The following RBFOX1 variants were observed in gnomAD, a reference collection of about 807,000 sequenced individuals.
RBFOX1 encodes RNA binding protein fox-1 homolog 1.
In RBFOX1, 8 loss-of-function variants were observed where a neutral mutation model predicts 57.7. The ratio of observed to expected loss-of-function variants is 0.14; its 90% CI spans 0.08 to 0.25. RBFOX1 has a LOEUF of 0.25. Ranked by LOEUF, RBFOX1 falls within the 10% of genes least tolerant of loss-of-function variation. The probability of loss-of-function intolerance (pLI) is 1.00; values close to 1 mark genes in which losing one functional copy is unlikely to be tolerated. For missense variants in RBFOX1, 611 were observed against 548.5 expected (o/e 1.11, Z -1.14); for synonymous variants, 326 against 222.4 (o/e 1.47, Z -4.15).
chr16:6,218,043 G>A (rs2097347560), intron 1 of RBFOX1, among the ~76,000 whole-genome samples: 1 of 152,082 alleles, frequency 6.6e-6, no homozygotes, highest in African/African-American at 2.4e-5. Context: ...AACGTTGCAT[G>A]AATGAAAAGT....
chr16:6,874,228 G>C (rs1272439950), intron 3 of RBFOX1, among the ~76,000 whole-genome samples: 1 of 152,056 alleles, frequency 6.6e-6, no homozygotes, highest in Admixed American at 6.6e-5. Context: ...GAATGAAATA[G>C]GTCAGGCAAA....
At chr16:6,003,122 A>T (rs540168366) in intron 4 of RBFOX1, among the ~76,000 whole-genome samples, 2 of 152,068 alleles carry the variant, frequency 1.3e-5, no homozygotes, top group Non-Finnish European at 2.9e-5. Context: ...TACTAAAAAT[A>T]CAAAAAATTA....
In RBFOX1 at chr16:5,558,861, G is replaced by T. The variant is rs1269549311; in HGVS notation, c.259-40041G>T. Among the ~76,000 whole-genome samples the T allele has an allele frequency of 2.0e-5, 3 of 152,146 alleles. No individual in the cohort carries two copies. In the South Asian group the frequency reaches 6.2e-4, roughly 32 times the overall value. ...AGAGCAGGAGTTCTCAAAGGTCCAC[G>T]TACAAGAGAGACACCTGGAGAACTT... On this transcript the variant is annotated intron_variant, in intron 2 of 2. Transcript: ENST00000585867.
At chr16:5,596,797 C>G (rs1443249655) in intron 2 of RBFOX1, among the ~76,000 whole-genome samples, 1 of 152,230 alleles carries the variant, frequency 6.6e-6, no homozygotes, top group East Asian at 1.9e-4. Context: ...GCAGCAAAAT[C>G]ACTGCATCAT....
chr16:7,095,228 C>G lies in RBFOX1; in HGVS notation c.27+43130C>G, dbSNP rs188312949. ...CTCAGCTCACTGCAACCTCCGCCTC[C>G]CAGGTTCAAACGATTCTCCTGCCTC... On this transcript the variant is annotated intron_variant, in intron 4 of 15. Transcript: ENST00000550418. 1.5e-3 allele frequency among the ~76,000 whole-genome samples: 231 copies of G among 152,250 alleles called. 1 individual carries two copies. The highest frequency in any genetic ancestry group is 6.8e-3 in the Middle Eastern group (2 of 294).
chr16:5,959,513 G>A (rs1008408651), intron 4 of RBFOX1, among the ~76,000 whole-genome samples: 3 of 152,068 alleles, frequency 2.0e-5, no homozygotes, highest in African/African-American at 7.2e-5. Context: ...TTGAGTGCAT[G>A]GGGTAAGAAA....
intron 1 of RBFOX1, among the ~76,000 whole-genome samples, chr16:6,288,593 A>G (rs570286643): frequency 7.6e-4 from 115 of 152,308 alleles, no homozygotes; most frequent in Admixed American, 2.0e-3. Context: ...CCTGAAACTC[A>G]GTCAGGTGAG....
chr16:6,523,197 C>T (rs981389255), intron 2 of RBFOX1, among the ~76,000 whole-genome samples: 3 of 151,972 alleles, frequency 2.0e-5, no homozygotes, highest in African/African-American at 7.3e-5. Flanking sequence ...CTCTTCTCAG[C>T]ATGCAGAGGA....
intron 2 of RBFOX1, among the ~76,000 whole-genome samples, chr16:6,408,796 G>C (rs1811200818): frequency 6.6e-6 from 1 of 152,154 alleles, no homozygotes. Context: ...ACAGTGATTT[G>C]TGTTTGCATT....
At chr16:6,341,671 A>C (rs1380310472) in intron 2 of RBFOX1, among the ~76,000 whole-genome samples, 3 of 152,180 alleles carry the variant, frequency 2.0e-5, no homozygotes, top group Non-Finnish European at 2.9e-5. Flanking sequence ...GCTGTATATA[A>C]ACAAGCATTG....
At chr16:5,687,066 C>G (rs925371960) in intron 3 of RBFOX1, among the ~76,000 whole-genome samples, 13 of 152,122 alleles carry the variant, frequency 8.5e-5, no homozygotes, top group African/African-American at 3.1e-4. Flanking sequence ...GGCTAAGAAT[C>G]AAATTAAGGA....
At chr16:6,808,316 C>G (rs562076099) in intron 3 of RBFOX1, among the ~76,000 whole-genome samples, 3 of 151,898 alleles carry the variant, frequency 2.0e-5, no homozygotes, top group Non-Finnish European at 4.4e-5. Context: ...TATCACCCCA[C>G]CACTGATTCC....
intron 3 of RBFOX1, among the ~76,000 whole-genome samples, chr16:6,753,989 T>C (rs186738787): frequency 1.3e-5 from 2 of 152,258 alleles, no homozygotes; most frequent in East Asian, 3.9e-4. Flanking sequence ...CTTGGATGCT[T>C]TTTACTGGGT....
At chr16:6,884,106 A>T (rs190789193) in intron 3 of RBFOX1, among the ~76,000 whole-genome samples, 35 of 152,328 alleles carry the variant, frequency 2.3e-4, no homozygotes, top group African/African-American at 8.4e-4. Flanking sequence ...GATGCGCTGC[A>T]GAAGAAGAGA....
intron 2 of RBFOX1, among the ~76,000 whole-genome samples, chr16:5,511,845 C>T (rs533655159): frequency 3.9e-5 from 6 of 152,320 alleles, no homozygotes; most frequent in African/African-American, 1.2e-4. Context: ...AGAAGGGTGA[C>T]TGAGTTGTCA....
At chr16:6,441,085 G>A (rs540409586) in intron 2 of RBFOX1, among the ~76,000 whole-genome samples, 19 of 151,882 alleles carry the variant, frequency 1.3e-4, no homozygotes, top group Admixed American at 3.9e-4. Flanking sequence ...CCAGAGTCAT[G>A]GCGGACGGAG....
chr16:6,504,622 C>T (rs951888622), intron 2 of RBFOX1, among the ~76,000 whole-genome samples: 3 of 152,138 alleles, frequency 2.0e-5, no homozygotes, highest in Non-Finnish European at 4.4e-5. Flanking sequence ...GATAGATGGG[C>T]AAGTGTGAGG....
intron 1 of RBFOX1, among the ~76,000 whole-genome samples, chr16:5,429,615 C>G (rs1394146852): frequency 6.6e-6 from 1 of 152,152 alleles, no homozygotes; most frequent in Non-Finnish European, 1.5e-5. Flanking sequence ...GCATGTGGTT[C>G]AGCTCTGAGT....
chr16:7,708,098 A>AGAGGCT (rs1292269017), intron 14 of RBFOX1, among the ~76,000 whole-genome samples: 1 of 152,118 alleles, frequency 6.6e-6, no homozygotes, highest in Non-Finnish European at 1.5e-5. Flanking sequence ...CCTAACACTG[A>AGAGGCT]GAGGCTGAGG....
Sources: gnomAD v4.1 joint callset for allele counts (sites outside exome capture counted in the v4.1 genomes callset) on GRCh38, gnomAD v4.1.1 for gene constraint, MANE v1.5 for transcripts, NCBI Gene and HGNC (gene_info 2026-07-23, HGNC 2026-07-21) for gene names.